Variants in SESTD1 observed in about 807,000 individuals in gnomAD.
SESTD1 encodes SEC14 and spectrin domain containing 1, also known as SEC14 domain and spectrin repeat-containing protein 1.
A neutral mutation model predicts 101.7 loss-of-function variants in SESTD1; 43 were observed. The ratio of observed to expected loss-of-function variants is 0.42; its 90% CI spans 0.33 to 0.55. The LOEUF is 0.55. Ranked by LOEUF, SESTD1 falls within the 20% of genes least tolerant of loss-of-function variation. SESTD1 has a pLI of 0.07. For missense variants in SESTD1, 647 were observed against 815.1 expected, an observed-to-expected ratio of 0.79 and a Z score of 2.51; for synonymous variants, 283 against 286.8, an observed-to-expected ratio of 0.99 and a Z score of 0.13.
chr2:179,261,121 CACTCTG>C (rs1462242757), intron 1 of SESTD1, among the ~76,000 whole-genome samples: 1 of 152,232 alleles, frequency 6.6e-6, no homozygotes, highest in East Asian at 1.9e-4. Flanking sequence ...TAGGTTGAAT[CACTCTG>C]ACTCTGTTTC....
chr2:179,200,475 G>A (rs2046489858), intron 1 of SESTD1, among the ~76,000 whole-genome samples: 1 of 144,956 alleles, frequency 6.9e-6, no homozygotes, highest in Admixed American at 6.7e-5. Flanking sequence ...TCAATCCTAA[G>A]CCAAAAGAAC....
At chr2:179,141,369 C>G (rs1434330136) in intron 9 of SESTD1, among the ~76,000 whole-genome samples, 1 of 152,194 alleles carries the variant, frequency 6.6e-6, no homozygotes, top group Non-Finnish European at 1.5e-5. Flanking sequence ...TCCCATCACT[C>G]TCCTTGTTGG....
At chr2:179,165,829 A>T (rs2045824268) in intron 5 of SESTD1, among the ~76,000 whole-genome samples, 1 of 152,210 alleles carries the variant, frequency 6.6e-6, no homozygotes, top group Admixed American at 6.5e-5. Flanking sequence ...AGTTGAAGAG[A>T]AAAGTGGGAA....
chr2:179,252,614 A>C (rs2047334657), intron 1 of SESTD1, among the ~76,000 whole-genome samples: 1 of 152,170 alleles, frequency 6.6e-6, no homozygotes, highest in Non-Finnish European at 1.5e-5. Flanking sequence ...CTTGTCTTGC[A>C]CTTCGAGGCA....
chr2:179,199,907 G>A (rs2046478404), intron 1 of SESTD1, among the ~76,000 whole-genome samples: 1 of 152,110 alleles, frequency 6.6e-6, no homozygotes, highest in African/African-American at 2.4e-5. Flanking sequence ...TCAACATAGT[G>A]TTGGAAGTTC....
intron 1 of SESTD1, among the ~76,000 whole-genome samples, chr2:179,228,260 T>C (rs1490788665): frequency 6.6e-6 from 1 of 152,214 alleles, no homozygotes; most frequent in Non-Finnish European, 1.5e-5. Flanking sequence ...TGTGTGTGTG[T>C]TGCAGATGAG....
intron 13 of SESTD1, 26 bp from the exon 14 acceptor site, chr2:179,117,639 CTCA>C (rs1359943194): frequency 6.5e-7 from 1 of 1,529,014 alleles, no homozygotes; most frequent in Non-Finnish European, 8.8e-7. Flanking sequence ...ATAAATTTAA[CTCA>C]TCATTTCTGT....
intron 1 of SESTD1, among the ~76,000 whole-genome samples, chr2:179,251,363 TA>T (rs2047315162): frequency 6.6e-6 from 1 of 152,236 alleles, no homozygotes. Context: ...TTGTACTTTC[TA>T]ATATTTGAAT....
Position 179,220,413 on chromosome 2 carries a change from G to C in SESTD1, c.-25-28547C>G, listed in dbSNP as rs2046796455. ...AAAAGGAAAAAGGAACATTGCACTA[G>C]AGGAGCAAATCACACTTGTGGAATT... On this transcript the variant is annotated intron_variant, in intron 1 of 17. Transcript: ENST00000428443. Among the ~76,000 whole-genome samples, 7 of 152,186 alleles carry C rather than the reference G, an allele frequency of 4.6e-5. No homozygotes were observed. The South Asian group carries it at 1.4e-3, about 32-fold the overall frequency.
chr2:179,189,241 T>A (rs956841729), intron 2 of SESTD1, among the ~76,000 whole-genome samples: 1 of 152,150 alleles, frequency 6.6e-6, no homozygotes, highest in African/African-American at 2.4e-5. Flanking sequence ...TCAATTAGGC[T>A]TTATTCCTGG....
At chr2:179,162,209 A>C (rs2045749271) in intron 5 of SESTD1, among the ~76,000 whole-genome samples, 2 of 152,132 alleles carry the variant, frequency 1.3e-5, no homozygotes, top group Non-Finnish European at 2.9e-5. Context: ...AAACTAGTCA[A>C]CTAATATCTG....
intron 10 of SESTD1, among the ~76,000 whole-genome samples, chr2:179,127,943 CT>C (rs1319433028): frequency 5.9e-5 from 9 of 152,156 alleles, no homozygotes; most frequent in Non-Finnish European, 1.0e-4. Flanking sequence ...TCATTAAATG[CT>C]CTAAATAAAT....
intron 5 of SESTD1, among the ~76,000 whole-genome samples, chr2:179,157,795 G>C (rs1442537029): frequency 6.6e-6 from 1 of 152,088 alleles, no homozygotes; most frequent in East Asian, 1.9e-4. Context: ...GGGAATATGA[G>C]GATGAATAAG....
At chr2:179,186,221 C>G (rs2046230277) in intron 2 of SESTD1, among the ~76,000 whole-genome samples, 1 of 151,844 alleles carries the variant, frequency 6.6e-6, no homozygotes, top group Non-Finnish European at 1.5e-5. Context: ...CCAAATAACT[C>G]TGAGTTGGCA....
At chr2:179,132,638 T>C (rs2045037777) in intron 9 of SESTD1, among the ~76,000 whole-genome samples, 1 of 152,238 alleles carries the variant, frequency 6.6e-6, no homozygotes, top group Admixed American at 6.5e-5. Context: ...ATGTACACTG[T>C]AGCATCACAA....
chr2:179,138,282 T>C (rs2045200239), intron 9 of SESTD1, among the ~76,000 whole-genome samples: 5 of 152,156 alleles, frequency 3.3e-5, no homozygotes, highest in Admixed American at 3.3e-4. Flanking sequence ...TGCCCCTCTG[T>C]CTTTCTGTCA....
chr2:179,136,654 TA>T (rs890717833), intron 9 of SESTD1, among the ~76,000 whole-genome samples: 39 of 152,108 alleles, frequency 2.6e-4, no homozygotes, highest in African/African-American at 7.2e-4. Context: ...CAAATGCATA[TA>T]AAAAATTTCA....
At chr2:179,234,504 G>A (rs998089204) in intron 1 of SESTD1, among the ~76,000 whole-genome samples, 6 of 152,172 alleles carry the variant, frequency 3.9e-5, no homozygotes, top group African/African-American at 1.2e-4. Context: ...CAGGCCGGAC[G>A]CAGTGGCTCA....
At chr2:179,153,576 A>C (rs995850206) in intron 5 of SESTD1, among the ~76,000 whole-genome samples, 5 of 152,196 alleles carry the variant, frequency 3.3e-5, no homozygotes, top group African/African-American at 9.7e-5. Flanking sequence ...AATAATGACC[A>C]ATTTTGTAGA....
Sources: gnomAD v4.1 joint callset for allele counts (sites outside exome capture counted in the v4.1 genomes callset) on GRCh38, gnomAD v4.1.1 for gene constraint, MANE v1.5 for transcripts, NCBI Gene and HGNC (gene_info 2026-07-23, HGNC 2026-07-21) for gene names.